Variants in COL25A1 observed in about 807,000 individuals in gnomAD.
COL25A1 encodes collagen type XXV alpha 1 chain.
A neutral mutation model predicts 128.4 loss-of-function variants in COL25A1; 103 were observed. That is an observed-to-expected ratio of 0.80 (90% CI 0.68 to 0.94). COL25A1 has a LOEUF of 0.94. Ranked by LOEUF, COL25A1 falls within the 40% of genes least tolerant of loss-of-function variation. The probability of loss-of-function intolerance (pLI) is 0.00; values close to 1 mark genes in which losing one functional copy is unlikely to be tolerated. For synonymous variants in COL25A1, 279 were observed against 277.2 expected (o/e 1.01, Z -0.06); for missense variants, 745 against 840.0 (o/e 0.89, Z 1.40).
intron 3 of COL25A1, among the ~76,000 whole-genome samples, chr4:109,242,569 C>T (rs1445567439): frequency 6.6e-6 from 1 of 152,036 alleles, no homozygotes; most frequent in East Asian, 1.9e-4. Flanking sequence ...ACATACTATT[C>T]CGGATGATTC....
chr4:109,301,532 G>T (rs1725525936), intron 2 of COL25A1, among the ~76,000 whole-genome samples, 191 bp downstream of exon 2: 1 of 152,170 alleles, frequency 6.6e-6, no homozygotes, highest in African/African-American at 2.4e-5. Flanking sequence ...GATAGGGATG[G>T]GGACATCAAG....
chr4:108,893,217 G>GA (rs547882631), intron 16 of COL25A1, among the ~76,000 whole-genome samples: 18 of 149,892 alleles, frequency 1.2e-4, no homozygotes, highest in African/African-American at 2.0e-4. Context: ...GGGGAGCAAA[G>GA]AAAAAAAAAC....
At chr4:109,136,109 A>G (rs937385941) in intron 3 of COL25A1, among the ~76,000 whole-genome samples, 3 of 152,164 alleles carry the variant, frequency 2.0e-5, no homozygotes, top group African/African-American at 7.2e-5. Context: ...GATTTAAAAT[A>G]ATAATAGGCC....
At chr4:109,251,083 G>A (rs930326735) in intron 3 of COL25A1, among the ~76,000 whole-genome samples, 6 of 152,018 alleles carry the variant, frequency 3.9e-5, no homozygotes, top group African/African-American at 1.2e-4. Context: ...ACTATGATAC[G>A]AAAGTGATAC....
chr4:108,915,111 T>C (rs1744716634), intron 13 of COL25A1, among the ~76,000 whole-genome samples: 1 of 152,184 alleles, frequency 6.6e-6, no homozygotes, highest in Admixed American at 6.5e-5. Context: ...AGGGGCAAGA[T>C]TGGAGTCTAA....
chr4:109,172,417 A>ACCCC (rs1773673110), intron 3 of COL25A1, among the ~76,000 whole-genome samples: 1 of 152,128 alleles, frequency 6.6e-6, no homozygotes, highest in Non-Finnish European at 1.5e-5. Flanking sequence ...TGAGGCAGTA[A>ACCCC]TGTCTAAGTT....
At chr4:108,909,268 T>TATA (rs1743923838) in intron 13 of COL25A1, among the ~76,000 whole-genome samples, 1 of 152,232 alleles carries the variant, frequency 6.6e-6, no homozygotes, top group African/African-American at 2.4e-5. Context: ...ATTTCCTTAG[T>TATA]TATAATTTTG....
chr4:109,257,005 A>G (rs1204402990), intron 3 of COL25A1, among the ~76,000 whole-genome samples: 1 of 152,180 alleles, frequency 6.6e-6, no homozygotes. Flanking sequence ...ATCTACAGAA[A>G]AAGGTGGTTT....
intron 16 of COL25A1, among the ~76,000 whole-genome samples, chr4:108,892,900 A>G (rs922671297): frequency 1.3e-5 from 2 of 152,108 alleles, no homozygotes; most frequent in African/African-American, 4.8e-5. Flanking sequence ...GAAAGTAGAG[A>G]AGTGGTGATG....
At chr4:109,286,119 T>C (rs561675394) in intron 3 of COL25A1, among the ~76,000 whole-genome samples, 34 of 152,318 alleles carry the variant, frequency 2.2e-4, no homozygotes, top group African/African-American at 7.5e-4. Flanking sequence ...TAATAGTGTA[T>C]AGCCTTCAAA....
At chr4:108,925,566 T>A (rs1745952337) in intron 11 of COL25A1, among the ~76,000 whole-genome samples, 2 of 152,184 alleles carry the variant, frequency 1.3e-5, no homozygotes, top group Admixed American at 1.3e-4. Flanking sequence ...AACAATTGTA[T>A]GTGTATGGCC....
Position 109,289,825 on chromosome 4 carries a change from AACCACGG to A in COL25A1, c.367+10751_367+10757del, listed in dbSNP as rs1724285077. 2.0e-5 allele frequency among the ~76,000 whole-genome samples: 3 copies of A among 152,072 alleles called. No individual in the cohort carries two copies. The South Asian group carries it at 6.2e-4, about 31-fold the overall frequency. ...GACAATCCTGTCCACTCTGCTTGCC[AACCACGG>A]ATCACGTTAGGGCAATGCTTGTTGA... On this transcript the variant is annotated intron_variant, in intron 3 of 37. Coordinates refer to ENST00000399132, the MANE Select transcript of COL25A1 (RefSeq NM_198721.4).
intron 3 of COL25A1, among the ~76,000 whole-genome samples, chr4:109,285,783 T>A (rs1352414595): frequency 1.3e-5 from 2 of 152,228 alleles, no homozygotes; most frequent in Non-Finnish European, 2.9e-5. Flanking sequence ...TAACTTGAAA[T>A]CAATCCTGGT....
intron 3 of COL25A1, among the ~76,000 whole-genome samples, chr4:109,082,058 A>C (rs1423882039): frequency 6.6e-6 from 1 of 152,200 alleles, no homozygotes; most frequent in East Asian, 1.9e-4. Flanking sequence ...ATTTCATATA[A>C]ATAGAATCAT....
chr4:109,137,047 A>T (rs561901790), intron 3 of COL25A1, among the ~76,000 whole-genome samples: 2 of 152,322 alleles, frequency 1.3e-5, no homozygotes, highest in African/African-American at 4.8e-5. Flanking sequence ...CAGAACACCC[A>T]TTCCTAGACA....
chr4:109,088,608 G>GATGA (rs1464852725), intron 3 of COL25A1, among the ~76,000 whole-genome samples: 1 of 152,156 alleles, frequency 6.6e-6, no homozygotes, highest in East Asian at 1.9e-4. Flanking sequence ...ATTCAAAACT[G>GATGA]ATGAATGAAT....
intron 3 of COL25A1, among the ~76,000 whole-genome samples, chr4:109,109,130 C>G (rs1720092256): frequency 6.6e-6 from 1 of 152,154 alleles, no homozygotes; most frequent in South Asian, 2.1e-4. Context: ...CTTGCTCTAT[C>G]ACCCAGGCTT....
chr4:108,895,216 A>C lies in COL25A1; in HGVS notation c.906+1451T>G, dbSNP rs563812208. ...AATATTTGTGGGAAGAAAAAAGATA[A>C]ATTTCTTTTTATTTTGCAGCTATGT... On this transcript the variant is annotated intron_variant, in intron 16 of 37. Transcript: ENST00000399132. 5.9e-5 allele frequency among the ~76,000 whole-genome samples: 9 copies of C among 152,264 alleles called. No individual in the cohort carries two copies. In the East Asian group the frequency reaches 1.5e-3, roughly 26 times the overall value.
At chr4:109,125,863 T>G (rs1768551069) in intron 3 of COL25A1, among the ~76,000 whole-genome samples, 1 of 152,126 alleles carries the variant, frequency 6.6e-6, no homozygotes, top group African/African-American at 2.4e-5. Context: ...AACATTGCCA[T>G]TTTTCTTGAA....
Sources: allele counts gnomAD v4.1 joint callset (sites outside exome capture counted in the v4.1 genomes callset), GRCh38; gene constraint gnomAD v4.1.1; transcripts MANE v1.5; gene names NCBI Gene and HGNC (gene_info 2026-07-23, HGNC 2026-07-21).